Variants in RAPGEF6 observed in about 807,000 individuals in gnomAD.
The protein encoded by RAPGEF6 is PDZ domain containing guanine nucleotide exchange factor (GEF) 2.
In RAPGEF6, 56 loss-of-function variants were observed where a neutral mutation model predicts 171.4. That is an observed-to-expected ratio of 0.33 (90% CI 0.26 to 0.41). RAPGEF6 has a LOEUF of 0.41. Ranked by LOEUF, RAPGEF6 falls within the 10% of genes least tolerant of loss-of-function variation. The pLI is 1.00. For synonymous variants in RAPGEF6, 692 were observed against 650.1 expected (o/e 1.06, Z -0.98); for missense variants, 1,674 against 1,921.4 (o/e 0.87, Z 2.41).
At chr5:131,563,396 A>T (rs1761728486) in intron 4 of RAPGEF6, among the ~76,000 whole-genome samples, 1 of 152,228 alleles carries the variant, frequency 6.6e-6, no homozygotes, top group African/African-American at 2.4e-5. Context: ...TTAAATATTT[A>T]AAAATGTCAA....
intron 1 of RAPGEF6, among the ~76,000 whole-genome samples, chr5:131,621,596 T>C (rs1233864347): frequency 1.3e-5 from 2 of 152,168 alleles, no homozygotes; most frequent in African/African-American, 4.8e-5. Context: ...CTGGCCCTTG[T>C]ATGCTTTAAA....
intron 11 of RAPGEF6, among the ~76,000 whole-genome samples, chr5:131,502,349 T>C (rs1757080332): frequency 1.3e-5 from 2 of 152,262 alleles, no homozygotes; most frequent in African/African-American, 4.8e-5. Flanking sequence ...AGTCTGAGGA[T>C]AGTATTTTGA....
At chr5:131,531,103 G>C (rs955580897) in intron 6 of RAPGEF6, among the ~76,000 whole-genome samples, 3 of 152,140 alleles carry the variant, frequency 2.0e-5, no homozygotes, top group African/African-American at 7.2e-5. Flanking sequence ...CTGCCTTTAA[G>C]AAAGACATGC....
chr5:131,445,520 T>TG (rs1308062736), intron 22 of RAPGEF6, among the ~76,000 whole-genome samples: 14 of 151,858 alleles, frequency 9.2e-5, no homozygotes, highest in African/African-American at 3.4e-4. Flanking sequence ...TGTGTGTGTA[T>TG]TTATTTTTTA....
chr5:131,602,030 G>A (rs960671345), intron 3 of RAPGEF6, among the ~76,000 whole-genome samples: 13 of 91,292 alleles, frequency 1.4e-4, no homozygotes, highest in East Asian at 2.7e-4. Flanking sequence ...GCGAGACTCC[G>A]TCTCAAAAAA....
intron 6 of RAPGEF6, among the ~76,000 whole-genome samples, chr5:131,522,388 G>T (rs1196709938): frequency 6.6e-6 from 1 of 152,100 alleles, no homozygotes; most frequent in Non-Finnish European, 1.5e-5. Flanking sequence ...TCTGCAACTT[G>T]CTATTCAGGG....
intron 15 of RAPGEF6, among the ~76,000 whole-genome samples, chr5:131,486,523 A>C (rs984916692): frequency 2.6e-5 from 4 of 152,110 alleles, no homozygotes; most frequent in Admixed American, 6.5e-5. Context: ...TATTTCCTAA[A>C]CATCTTCTTC....
chr5:131,442,059 A>G (rs907367952), intron 23 of RAPGEF6, among the ~76,000 whole-genome samples: 4 of 152,192 alleles, frequency 2.6e-5, no homozygotes, highest in Non-Finnish European at 5.9e-5. Flanking sequence ...TATTTCATTA[A>G]ATACACCTCT....
rs148967417 is a variant in RAPGEF6 at position 131,592,084 on chromosome 5, G to A, written c.281+299C>T. 5.9e-5 allele frequency among the ~76,000 whole-genome samples: 9 copies of A among 152,174 alleles called. No individual in the cohort carries two copies. The East Asian group carries it at 7.7e-4, about 13-fold the overall frequency. On this transcript the variant is annotated intron_variant, in intron 4 of 27. Coordinates refer to ENST00000509018, the MANE Select transcript of RAPGEF6 (RefSeq NM_016340.6). ...TTGGTCAGACTAGTCTCGAACTCCC[G>A]ACCTCAGGTGATCCGCCCGCATCAG...
rs1756151892 is a variant in RAPGEF6 at position 131,489,667 on chromosome 5, TA to T, written c.1732-14del. ...TTACTTCCATAATCTTAAAAGTATT[TA>T]AAAAATACAAATTAATACAGAACAG... is the stretch of plus-strand genomic sequence containing the variant. On this transcript the variant is annotated splice_polypyrimidine_tract_variant and intron_variant, in intron 14 of 27. Coordinates refer to ENST00000509018, the MANE Select transcript of RAPGEF6 (RefSeq NM_016340.6). 1 of 1,410,490 alleles carries T rather than the reference TA, an allele frequency of 7.1e-7. No individual in the cohort carries two copies. The highest frequency in any genetic ancestry group is 1.5e-5 in the African/African-American group (1 of 68,704). 87.4% of individuals were successfully genotyped at this position (1,410,490 alleles called of 1,614,324 possible). A position where few individuals can be genotyped will look rare whatever the true frequency, so the allele number is the denominator to read the frequency against.
chr5:131,556,697 G>A (rs1761256997), intron 5 of RAPGEF6, among the ~76,000 whole-genome samples: 1 of 151,916 alleles, frequency 6.6e-6, no homozygotes, highest in Non-Finnish European at 1.5e-5. Context: ...TTCTTTCTCA[G>A]GTTTCTTCTA....
At chr5:131,478,858 ACT>A (rs1755279306) in intron 16 of RAPGEF6, among the ~76,000 whole-genome samples, 1 of 152,164 alleles carries the variant, frequency 6.6e-6, no homozygotes, top group African/African-American at 2.4e-5. Flanking sequence ...CTGATTATTC[ACT>A]GTCTTAACTT....
chr5:131,521,319 A>T (rs1278816995), intron 7 of RAPGEF6, 71 bp downstream of exon 7: 7 of 1,430,964 alleles, frequency 4.9e-6, no homozygotes, highest in Non-Finnish European at 5.6e-6. Flanking sequence ...TTAACCATCT[A>T]AGGCACAATC....
chr5:131,435,876 A>T (rs1751977048), intron 24 of RAPGEF6: 3 of 1,444,520 alleles, frequency 2.1e-6, no homozygotes, highest in Admixed American at 5.4e-5. Flanking sequence ...AGCTTTGACA[A>T]ATGGTTTAAT....
At chr5:131,587,844 T>C (rs1193180390) in intron 4 of RAPGEF6, among the ~76,000 whole-genome samples, 1 of 152,180 alleles carries the variant, frequency 6.6e-6, no homozygotes, top group Non-Finnish European at 1.5e-5. Context: ...AGAGGGGTCC[T>C]GCCCCCTACC....
chr5:131,537,029 C>T (rs1015909186), intron 6 of RAPGEF6, among the ~76,000 whole-genome samples: 4 of 152,120 alleles, frequency 2.6e-5, no homozygotes, highest in Non-Finnish European at 4.4e-5. Context: ...TAAACACATA[C>T]CAAATCAAAC....
intron 1 of RAPGEF6, among the ~76,000 whole-genome samples, chr5:131,604,933 C>T (rs1268667866): frequency 6.6e-6 from 1 of 152,278 alleles, no homozygotes; most frequent in Non-Finnish European, 1.5e-5. Flanking sequence ...AATGCCAGAA[C>T]CCCAAATTCA....
At chr5:131,632,508 A>C (rs1399554011) in intron 1 of RAPGEF6, among the ~76,000 whole-genome samples, 1 of 152,118 alleles carries the variant, frequency 6.6e-6, no homozygotes, top group Non-Finnish European at 1.5e-5. Flanking sequence ...TAGCAATTAT[A>C]AGCTACATAT....
At chr5:131,466,937 C>A (rs1011941711) in intron 17 of RAPGEF6, among the ~76,000 whole-genome samples, 2 of 152,132 alleles carry the variant, frequency 1.3e-5, no homozygotes, top group African/African-American at 4.8e-5. Flanking sequence ...ACTGTTATTA[C>A]CTGTACTGTT....
Sources: gnomAD v4.1 joint callset for allele counts (sites outside exome capture counted in the v4.1 genomes callset) on GRCh38, gnomAD v4.1.1 for gene constraint, MANE v1.5 for transcripts, NCBI Gene and HGNC (gene_info 2026-07-23, HGNC 2026-07-21) for gene names.